Variants in NOX3 observed in about 807,000 individuals in gnomAD.
The protein encoded by NOX3 is NADPH oxidase 3, also known as NADPH oxidase catalytic subunit-like 3.
In NOX3, 74 loss-of-function variants were observed where a neutral mutation model predicts 76.7. The observed-to-expected ratio is 0.96, with a 90% CI of 0.80 to 1.17. The LOEUF is 1.17. Among genes scored for constraint, NOX3 ranks in the 50% most tolerant of loss-of-function variants. The probability of loss-of-function intolerance (pLI) is 0.00; values close to 1 mark genes in which losing one functional copy is unlikely to be tolerated. For synonymous variants in NOX3, 263 were observed against 261.1 expected, an observed-to-expected ratio of 1.01 and a Z score of -0.07; for missense variants, 695 against 703.3, an observed-to-expected ratio of 0.99 and a Z score of 0.13.
At chr6:155,413,653 T>G (rs1460135606) in intron 10 of NOX3, among the ~76,000 whole-genome samples, 1 of 152,218 alleles carries the variant, frequency 6.6e-6, no homozygotes, top group Non-Finnish European at 1.5e-5. Flanking sequence ...GCTTTCATTT[T>G]GCCTTGCTTT....
chr6:155,405,278 A>G (rs1462422032), intron 12 of NOX3, among the ~76,000 whole-genome samples: 3 of 152,156 alleles, frequency 2.0e-5, no homozygotes, highest in Non-Finnish European at 4.4e-5. Context: ...GAGAAAGTGG[A>G]TGGAAAGAAG....
At chr6:155,404,924 C>A (rs1776425017) in intron 12 of NOX3, among the ~76,000 whole-genome samples, 1 of 152,070 alleles carries the variant, frequency 6.6e-6, no homozygotes, top group African/African-American at 2.4e-5. Context: ...TAACCTCCTT[C>A]AAATAGCTGG....
At chr6:155,435,285 T>C (rs577345769) in intron 7 of NOX3, among the ~76,000 whole-genome samples, 1 of 151,872 alleles carries the variant, frequency 6.6e-6, no homozygotes, top group Admixed American at 6.6e-5. Context: ...TGTGGGGGAG[T>C]ATTGATTTTT....
intron 13 of NOX3, among the ~76,000 whole-genome samples, chr6:155,396,528 T>A (rs547895835): frequency 2.9e-4 from 44 of 152,338 alleles, no homozygotes; most frequent in South Asian, 2.1e-3. Flanking sequence ...AGTGTGTGGA[T>A]GGTCGATGTG....
intron 7 of NOX3, among the ~76,000 whole-genome samples, chr6:155,434,228 G>A (rs1193127068): frequency 6.6e-6 from 1 of 152,182 alleles, no homozygotes; most frequent in Non-Finnish European, 1.5e-5. Flanking sequence ...ACCTCCATCA[G>A]GGCTTTCTCC....
chr6:155,409,447 C>G (rs1231487145), intron 11 of NOX3, among the ~76,000 whole-genome samples: 1 of 152,140 alleles, frequency 6.6e-6, no homozygotes, highest in Non-Finnish European at 1.5e-5. Flanking sequence ...ACAAAAAGGG[C>G]CTTCCCTACT....
chr6:155,447,191 C>A (rs558355315), intron 4 of NOX3, among the ~76,000 whole-genome samples: 1 of 151,874 alleles, frequency 6.6e-6, no homozygotes, highest in Non-Finnish European at 1.5e-5. Context: ...ATTACAGGCA[C>A]ACGCCACCAT....
At chr6:155,436,596 A>G in intron 6 of NOX3, 49 bp from the exon 7 acceptor site, 1 of 1,608,330 alleles carries the variant, frequency 6.2e-7, no homozygotes, top group Non-Finnish European at 8.5e-7. Flanking sequence ...AAAACGTCAA[A>G]CTGATTTTGA....
chr6:155,454,313 A>G (rs866060441), intron 3 of NOX3, among the ~76,000 whole-genome samples: 2 of 152,220 alleles, frequency 1.3e-5, no homozygotes, highest in Admixed American at 1.3e-4. Flanking sequence ...TCTGCATGCT[A>G]TTTTGTTTGA....
chr6:155,437,529 C>T (rs528091623), intron 6 of NOX3, among the ~76,000 whole-genome samples: 2 of 152,092 alleles, frequency 1.3e-5, no homozygotes, highest in Admixed American at 6.6e-5. Flanking sequence ...GGCTTTTGTC[C>T]CAGTCTGTTT....
chr6:155,448,304 GTT>G (rs1247411648), intron 4 of NOX3, among the ~76,000 whole-genome samples: 2 of 152,194 alleles, frequency 1.3e-5, no homozygotes, highest in Admixed American at 1.3e-4. Context: ...CAAAGCTCAT[GTT>G]TTCATGTTTC....
At position 155,396,068 on chromosome 6, in the gene NOX3, G is replaced by A. The variant is rs116867426; in HGVS notation, c.*28-494C>T. Among the ~76,000 whole-genome samples, 1,901 of 152,292 alleles carry A rather than the reference G, an allele frequency of 0.012. 74 individuals carry two copies. The East Asian group carries it at 0.14, about 12-fold the overall frequency. On this transcript the variant is annotated intron_variant, in intron 13 of 13. Coordinates refer to ENST00000159060, the MANE Select transcript of NOX3 (RefSeq NM_015718.3). ...GCTTCTCAATGCATTTTAAAAGGAT[G>A]TGAAGAGATGGAATTGAATTTGAAA... is the stretch of plus-strand genomic sequence containing the variant.
At chr6:155,401,274 T>C (rs1779222396) in intron 12 of NOX3, among the ~76,000 whole-genome samples, 2 of 152,182 alleles carry the variant, frequency 1.3e-5, no homozygotes, top group Admixed American at 6.5e-5. Flanking sequence ...TGCCCTCTCA[T>C]GGGAAGGAAC....
At chr6:155,451,489 G>A (rs921790736) in intron 4 of NOX3, among the ~76,000 whole-genome samples, 3 of 152,042 alleles carry the variant, frequency 2.0e-5, no homozygotes, top group East Asian at 1.9e-4. Flanking sequence ...TTAACACGGG[G>A]GATATTCATT....
chr6:155,425,261 T>C (rs1448232688), intron 9 of NOX3, among the ~76,000 whole-genome samples: 1 of 152,228 alleles, frequency 6.6e-6, no homozygotes. Context: ...CCAGTTGTTC[T>C]TTTTTGGGCC....
chr6:155,438,189 G>T (rs569674927), intron 6 of NOX3, among the ~76,000 whole-genome samples: 67 of 152,198 alleles, frequency 4.4e-4, no homozygotes, highest in African/African-American at 1.5e-3. Flanking sequence ...TGCTTCAGGG[G>T]TTAACAACCC....
intron 4 of NOX3, among the ~76,000 whole-genome samples, chr6:155,447,618 C>A (rs1400164900): frequency 1.3e-5 from 2 of 152,242 alleles, no homozygotes; most frequent in Non-Finnish European, 2.9e-5. Context: ...TTGTCACACA[C>A]TTTAAAGTTC....
In NOX3 at chr6:155,454,895, G is replaced by T. The variant is rs763052363; in HGVS notation, c.171C>A (p.Ser57=). 3 of 1,611,182 alleles carry T rather than the reference G, an allele frequency of 1.9e-6. No homozygotes were observed. The highest frequency in any genetic ancestry group is 1.7e-4 in the Middle Eastern group (1 of 6,052). The part of the protein sequence containing the change: ...LGSTLAWARA[S]ALCLNFNCML... The stretch of plus-strand genomic sequence containing the variant: ...TGCAGTTAAAATTCAGGCACAGTGC[G>T]GATGCTCGTGCCCAAGCCAGTGTTG... The change falls in exon 3 of 14, where the codon TCC becomes TCA. Residue 57 remains serine, a synonymous_variant. Transcript: ENST00000159060.
Position 155,428,879 on chromosome 6 carries a change from G to C in NOX3, c.1060C>G (p.Arg354Gly). 6.2e-7 allele frequency: 1 copy of C among 1,612,834 alleles called. No homozygotes were observed. Among genetic ancestry groups the C allele is most frequent in the Non-Finnish European group, 8.5e-7 (1 of 1,179,254 alleles). ...GCTGCTGTCCAGTCTCCTGCTGCCC[G>C]GATGTGCACGCTGAAAAAGTCCTCC... ...PQEDFFSVHIRAAGDWTAALL... is the reference protein window; with the variant it reads ...PQEDFFSVHIGAAGDWTAALL... The change falls in exon 9 of 14, where the codon CGG (arginine) becomes GGG (glycine). Residue 354 changes from arginine to glycine, a missense_variant. Transcript: ENST00000159060.
Sources: gnomAD v4.1 joint callset for allele counts (sites outside exome capture counted in the v4.1 genomes callset) on GRCh38, gnomAD v4.1.1 for gene constraint, MANE v1.5 for transcripts, NCBI Gene and HGNC (gene_info 2026-07-23, HGNC 2026-07-21) for gene names.